DPP10: variants seen among roughly 807,000 people sequenced by gnomAD.
The protein encoded by DPP10 is dipeptidyl peptidase like 10.
Under a neutral mutation model 120.9 loss-of-function variants are expected in DPP10, and 33 were observed. The observed-to-expected ratio is 0.27, with a 90% confidence interval of 0.21 to 0.37. The LOEUF is 0.37. Ranked by LOEUF, DPP10 falls within the 10% of genes least tolerant of loss-of-function variation. DPP10 has a pLI of 1.00. For synonymous variants in DPP10, 337 were observed against 326.1 expected (o/e 1.03, Z -0.36); for missense variants, 816 against 942.8 (o/e 0.87, Z 1.76).
intron 5 of DPP10, among the ~76,000 whole-genome samples, chr2:115,678,487 G>C (rs1198988702): frequency 1.3e-5 from 2 of 152,214 alleles, no homozygotes; most frequent in African/African-American, 2.4e-5. Context: ...GATAAGAATT[G>C]AGGTTTGGGA....
At chr2:115,171,773 G>A (rs1283449048) in intron 1 of DPP10, among the ~76,000 whole-genome samples, 2 of 151,842 alleles carry the variant, frequency 1.3e-5, no homozygotes, top group African/African-American at 2.4e-5. Context: ...CATAGGCAAG[G>A]CTCATTTGAC....
intron 1 of DPP10, among the ~76,000 whole-genome samples, chr2:114,571,904 C>A (rs1006272198): frequency 6.8e-6 from 1 of 146,240 alleles, no homozygotes; most frequent in Admixed American, 6.9e-5. Context: ...AATATTTATA[C>A]TATATATTGT....
intron 2 of DPP10, among the ~76,000 whole-genome samples, chr2:115,335,280 T>C (rs1056445813): frequency 3.3e-5 from 5 of 152,016 alleles, no homozygotes; most frequent in African/African-American, 7.2e-5. Context: ...AAAATGAGAT[T>C]TGGGTAGGGA....
intron 13 of DPP10, among the ~76,000 whole-genome samples, chr2:115,769,598 AG>A (rs1681206929): frequency 6.6e-6 from 1 of 152,022 alleles, no homozygotes; most frequent in African/African-American, 2.4e-5. Context: ...GTGGAAAAAC[AG>A]GTTATAAACT....
intron 1 of DPP10, among the ~76,000 whole-genome samples, chr2:114,474,613 A>G (rs1325473377): frequency 6.6e-6 from 1 of 152,190 alleles, no homozygotes; most frequent in East Asian, 1.9e-4. Flanking sequence ...AGAGAGGGAA[A>G]ATCAGTACTG....
intron 1 of DPP10, among the ~76,000 whole-genome samples, chr2:114,722,740 C>T (rs994512108): frequency 1.6e-5 from 2 of 126,680 alleles, no homozygotes; most frequent in Non-Finnish European, 3.1e-5. Context: ...TGAGCCACCG[C>T]ACTCCAGCCT....
intron 1 of DPP10, among the ~76,000 whole-genome samples, chr2:114,460,826 A>G (rs936962978): frequency 6.6e-6 from 1 of 152,222 alleles, no homozygotes; most frequent in Non-Finnish European, 1.5e-5. Flanking sequence ...TCTGAACAAA[A>G]TGCATTTTTA....
chr2:115,663,555 T>G (rs1190077898), intron 5 of DPP10, among the ~76,000 whole-genome samples: 1 of 152,200 alleles, frequency 6.6e-6, no homozygotes, highest in Non-Finnish European at 1.5e-5. Flanking sequence ...GCTCAGTGGC[T>G]TGCTGTATTC....
chr2:115,350,909 T>C (rs1302863542), intron 3 of DPP10, among the ~76,000 whole-genome samples: 1 of 152,086 alleles, frequency 6.6e-6, no homozygotes, highest in East Asian at 1.9e-4. Flanking sequence ...AGAGAATGCC[T>C]ATATGGTGTT....
intron 1 of DPP10, among the ~76,000 whole-genome samples, chr2:114,514,896 A>G (rs541948871): frequency 3.3e-5 from 5 of 152,116 alleles, no homozygotes; most frequent in East Asian, 3.9e-4. Flanking sequence ...CCTATTGCCA[A>G]TAGATATCAT....
chr2:115,342,237 C>A, intron 2 of DPP10: 1 of 435,744 alleles, frequency 2.3e-6, no homozygotes. Flanking sequence ...CTCACCCTGT[C>A]ACCCAGGCTG....
chr2:115,827,070 T>C (rs1229675448), intron 21 of DPP10, among the ~76,000 whole-genome samples: 2 of 152,038 alleles, frequency 1.3e-5, no homozygotes, highest in Non-Finnish European at 2.9e-5. Flanking sequence ...TAAAATTTTG[T>C]CTAGTGTGCT....
intron 4 of DPP10, among the ~76,000 whole-genome samples, chr2:115,519,473 G>A (rs1402118294): frequency 2.0e-5 from 3 of 152,108 alleles, no homozygotes; most frequent in Non-Finnish European, 2.9e-5. Flanking sequence ...TATTGCAGAT[G>A]TCAGGAAAGA....
intron 1 of DPP10, among the ~76,000 whole-genome samples, chr2:114,541,725 T>C (rs888118312): frequency 6.6e-6 from 1 of 152,206 alleles, no homozygotes; most frequent in African/African-American, 2.4e-5. Flanking sequence ...ATTTTTTTCC[T>C]ATAAAATTAT....
At chr2:115,449,511 C>T (rs1284854022) in intron 3 of DPP10, among the ~76,000 whole-genome samples, 2 of 151,960 alleles carry the variant, frequency 1.3e-5, no homozygotes, top group African/African-American at 4.8e-5. Context: ...TAACTATATC[C>T]TTACATAATT....
chr2:115,015,346 A>T (rs1702558404), intron 1 of DPP10, among the ~76,000 whole-genome samples: 1 of 152,104 alleles, frequency 6.6e-6, no homozygotes, highest in Non-Finnish European at 1.5e-5. Flanking sequence ...TTGATGGAAC[A>T]TACTCAAAAT....
intron 1 of DPP10, among the ~76,000 whole-genome samples, chr2:115,296,985 T>C (rs973712732): frequency 6.6e-6 from 1 of 152,042 alleles, no homozygotes; most frequent in Non-Finnish European, 1.5e-5. Flanking sequence ...TCAAGAACGA[T>C]TATGTATAGT....
chr2:115,142,366 AG>A (rs1456357440), intron 1 of DPP10, among the ~76,000 whole-genome samples: 1 of 152,134 alleles, frequency 6.6e-6, no homozygotes, highest in Non-Finnish European at 1.5e-5. Flanking sequence ...CCAGAGCCCA[AG>A]GTTTTAAATA....
intron 1 of DPP10, among the ~76,000 whole-genome samples, chr2:115,046,900 C>T (rs1433595262): frequency 1.3e-5 from 2 of 151,754 alleles, no homozygotes; most frequent in Admixed American, 6.6e-5. Context: ...TTACCATTTC[C>T]TAAACATAAT....
Sources: allele counts gnomAD v4.1 joint callset (sites outside exome capture counted in the v4.1 genomes callset), GRCh38; gene constraint gnomAD v4.1.1; transcripts MANE v1.5; gene names NCBI Gene and HGNC (gene_info 2026-07-23, HGNC 2026-07-21).